The following ABTB2 variants were observed in gnomAD, a reference collection of about 807,000 sequenced individuals.
ABTB2 encodes ankyrin repeat and BTB/POZ domain-containing protein 2.
Under a neutral mutation model 104.1 loss-of-function variants are expected in ABTB2, and 56 were observed. That is an observed-to-expected ratio of 0.54 (90% CI 0.43 to 0.67). The LOEUF (loss-of-function observed/expected upper bound fraction) is 0.67, where lower values mean the gene tolerates loss of function less well. Ranked by LOEUF, ABTB2 falls within the 30% of genes least tolerant of loss-of-function variation. ABTB2 has a pLI of 0.00. For synonymous variants in ABTB2, 606 were observed against 608.2 expected (o/e 1.00, Z 0.05); for missense variants, 1,279 against 1,407.7 (o/e 0.91, Z 1.46).
At chr11:34,208,589 T>C (rs1853438197) in intron 1 of ABTB2, among the ~76,000 whole-genome samples, 1 of 152,172 alleles carries the variant, frequency 6.6e-6, no homozygotes, top group Non-Finnish European at 1.5e-5. Context: ...TTTCTCAATC[T>C]CTACACAGAA....
intron 3 of ABTB2, among the ~76,000 whole-genome samples, chr11:34,194,531 G>A (rs1370315041): frequency 6.6e-6 from 1 of 151,872 alleles, no homozygotes; most frequent in African/African-American, 2.4e-5. Flanking sequence ...CCAGAGCTCT[G>A]GTGAGGGTAT....
intron 1 of ABTB2, among the ~76,000 whole-genome samples, chr11:34,332,706 A>C (rs774582827): frequency 3.3e-5 from 5 of 152,028 alleles, no homozygotes; most frequent in Admixed American, 6.6e-5. Context: ...GCCTCTGTTG[A>C]TTTTGCTAAT....
chr11:34,196,281 C>T (rs574252303), intron 3 of ABTB2, among the ~76,000 whole-genome samples: 5 of 152,322 alleles, frequency 3.3e-5, no homozygotes, highest in South Asian at 2.1e-4. Flanking sequence ...AGACCGGGCG[C>T]GGTGGCTCAC....
intron 1 of ABTB2, among the ~76,000 whole-genome samples, chr11:34,219,978 G>T (rs991568626): frequency 2.6e-5 from 4 of 152,206 alleles, no homozygotes; most frequent in African/African-American, 9.7e-5. Flanking sequence ...TTTACTCAAA[G>T]AACTCCAAAG....
At chr11:34,166,025 C>T (rs913355750) in intron 7 of ABTB2, among the ~76,000 whole-genome samples, 4 of 152,250 alleles carry the variant, frequency 2.6e-5, no homozygotes, top group Non-Finnish European at 5.9e-5. Context: ...CAGGCAGTTC[C>T]AGATGAGCCG....
chr11:34,173,355 G>C (rs1852913094), intron 3 of ABTB2, 48 bp from the exon 4 acceptor site: 2 of 1,522,076 alleles, frequency 1.3e-6, no homozygotes, highest in Admixed American at 2.1e-5. Context: ...GGTCCCTGCA[G>C]GGCAGCAGAG....
At chr11:34,218,626 G>A (rs1158005985) in intron 1 of ABTB2, among the ~76,000 whole-genome samples, 1 of 152,000 alleles carries the variant, frequency 6.6e-6, no homozygotes, top group Non-Finnish European at 1.5e-5. Flanking sequence ...GAGGTGGGCA[G>A]ATCACCTGAG....
chr11:34,258,278 T>G (rs1354118815), intron 1 of ABTB2, among the ~76,000 whole-genome samples: 1 of 152,242 alleles, frequency 6.6e-6, no homozygotes, highest in Admixed American at 6.5e-5. Flanking sequence ...GTCATTTGAA[T>G]ATGGAATGAC....
chr11:34,248,231 G>A (rs879440370), intron 1 of ABTB2, among the ~76,000 whole-genome samples: 2 of 151,882 alleles, frequency 1.3e-5, no homozygotes, highest in African/African-American at 4.8e-5. Context: ...GTAGCTAGGG[G>A]AGGCTTGCAC....
chr11:34,291,929 GACTT>G (rs1296882202), intron 1 of ABTB2, among the ~76,000 whole-genome samples: 2 of 151,400 alleles, frequency 1.3e-5, no homozygotes, highest in Non-Finnish European at 2.9e-5. Flanking sequence ...CTTTTAGAGT[GACTT>G]ACACCAATAA....
At chr11:34,263,691 G>C (rs1243062972) in intron 1 of ABTB2, among the ~76,000 whole-genome samples, 1 of 152,158 alleles carries the variant, frequency 6.6e-6, no homozygotes, top group East Asian at 1.9e-4. Context: ...CATTCCCTAG[G>C]CATGTTGTAG....
At chr11:34,342,619 T>C (rs998792014) in intron 1 of ABTB2, among the ~76,000 whole-genome samples, 42 of 152,178 alleles carry the variant, frequency 2.8e-4, no homozygotes, top group African/African-American at 1.0e-3. Flanking sequence ...ATATAATACA[T>C]GTGAAGCACA....
intron 5 of ABTB2, among the ~76,000 whole-genome samples, chr11:34,168,386 T>G (rs1199563155): frequency 1.3e-5 from 2 of 152,206 alleles, no homozygotes; most frequent in Non-Finnish European, 2.9e-5. Context: ...TGGATTAATA[T>G]GTATAAAGTG....
intron 3 of ABTB2, among the ~76,000 whole-genome samples, chr11:34,191,352 T>G (rs11032544): frequency 3.3e-5 from 5 of 152,174 alleles, no homozygotes; most frequent in African/African-American, 1.2e-4. Flanking sequence ...CTCCAGCTCT[T>G]TGAAATTCTG....
At chr11:34,205,573 A>C (rs926285089) in intron 1 of ABTB2, among the ~76,000 whole-genome samples, 4 of 150,746 alleles carry the variant, frequency 2.7e-5, no homozygotes, top group Non-Finnish European at 5.9e-5. Context: ...TGATGGACAG[A>C]TTTTCTTTTT....
Position 34,152,310 on chromosome 11 carries a change from G to T in ABTB2, c.*77C>A. Reference sequence around the variant, plus strand: ...AGCCCCGTGAACCTGGCTCCAAGAGGGCCTACAACCATACCCCGACATGGT... The same window carrying T: ...AGCCCCGTGAACCTGGCTCCAAGAGTGCCTACAACCATACCCCGACATGGT... On this transcript the variant is annotated 3_prime_UTR_variant, in exon 17 of 17. Transcript: ENST00000435224. 6.9e-7 allele frequency: 1 copy of T among 1,458,346 alleles called. No individual in the cohort carries two copies. Among genetic ancestry groups the T allele is most frequent in the South Asian group, 1.3e-5 (1 of 75,782 alleles). 90.3% of individuals were successfully genotyped at this position (1,458,346 alleles called of 1,614,324 possible). A position where few individuals can be genotyped will look rare whatever the true frequency, so the allele number is the denominator to read the frequency against.
intron 1 of ABTB2, among the ~76,000 whole-genome samples, chr11:34,348,868 T>C (rs1290392542): frequency 1.3e-5 from 2 of 152,132 alleles, no homozygotes; most frequent in Non-Finnish European, 2.9e-5. Context: ...TATCTGTATA[T>C]ATGCTTTGCT....
At chr11:34,291,407 T>C (rs1854564057) in intron 1 of ABTB2, among the ~76,000 whole-genome samples, 1 of 152,188 alleles carries the variant, frequency 6.6e-6, no homozygotes, top group Non-Finnish European at 1.5e-5. Context: ...AATTCTAGTT[T>C]CCAAGATCAC....
intron 1 of ABTB2, among the ~76,000 whole-genome samples, chr11:34,240,036 C>T (rs1184176175): frequency 1.3e-5 from 2 of 152,104 alleles, no homozygotes; most frequent in Non-Finnish European, 2.9e-5. Flanking sequence ...ATTTCCTCAC[C>T]ACAAAAGATA....
Sources: gnomAD v4.1 joint callset for allele counts (sites outside exome capture counted in the v4.1 genomes callset) on GRCh38, gnomAD v4.1.1 for gene constraint, MANE v1.5 for transcripts, NCBI Gene and HGNC (gene_info 2026-07-23, HGNC 2026-07-21) for gene names.